Variants in RUNX3 observed in about 807,000 individuals in gnomAD.
RUNX3 encodes the protein runt-related transcription factor 3.
A neutral mutation model predicts 27.7 loss-of-function variants in RUNX3; 10 were observed. That is an observed-to-expected ratio of 0.36 (90% CI 0.22 to 0.61). The LOEUF (loss-of-function observed/expected upper bound fraction) is 0.61. Ranked by LOEUF, RUNX3 falls within the 20% of genes least tolerant of loss-of-function variation. The pLI, the probability that RUNX3 is intolerant of heterozygous loss-of-function variation, is 0.72. For missense variants in RUNX3, 469 were observed against 629.5 expected, an observed-to-expected ratio of 0.75 and a Z score of 2.73; for synonymous variants, 270 against 269.2, an observed-to-expected ratio of 1.00 and a Z score of -0.03.
At chr1:24,946,631 C>T (rs1213645512) in intron 2 of RUNX3, among the ~76,000 whole-genome samples, 2 of 152,110 alleles carry the variant, frequency 1.3e-5, no homozygotes, top group Admixed American at 1.3e-4. Context: ...AGGGGGTTTC[C>T]AGATTTCTGT....
chr1:24,936,996 C>T (rs536249940), intron 2 of RUNX3, among the ~76,000 whole-genome samples: 29 of 152,344 alleles, frequency 1.9e-4, no homozygotes, highest in Admixed American at 7.8e-4. Flanking sequence ...ATGTGCTGTA[C>T]GCATGGCATG....
rs753348193 is a variant in RUNX3, at chr1:24,943,830, G to A, written c.59-13978C>T. ...TACCAACCTTAACTGACAGTTTTCT[G>A]CTAGCACACAGGAAGTTCTTTTGAA... On this transcript the variant is annotated intron_variant, in intron 2 of 6. Coordinates refer to the RUNX3 transcript ENST00000338888. The surrounding 1 kb of genome is among the most constrained non-coding windows in gnomAD (Gnocchi z 4.6). Among the ~76,000 whole-genome samples, 2 of 152,192 alleles carry A rather than the reference G, an allele frequency of 1.3e-5. No homozygotes were observed. The highest frequency in any genetic ancestry group is 4.8e-5 in the African/African-American group (2 of 41,442).
In RUNX3 at chr1:24,964,693, G is replaced by A. The variant is rs559139016; in HGVS notation, c.-97-25C>T. 9 of 1,498,068 alleles carry A rather than the reference G, an allele frequency of 6.0e-6. No homozygotes were observed. The African/African-American group carries it at 1.0e-4, about 17-fold the overall frequency. The allele number at this position is 1,498,068 out of a possible 1,614,324, so 92.8% of individuals were successfully genotyped here. A position where few individuals can be genotyped will look rare whatever the true frequency, so the allele number is the denominator to read the frequency against. ...ACTTTTGAAAATAAAAGGGGGGGGT[G>A]TTGCTTTTTGTTGTTTTTTGTTTTG... is the stretch of plus-strand genomic sequence containing the variant. On this transcript the variant is annotated intron_variant, in intron 1 of 6. Transcript: ENST00000338888.
upstream of RUNX3, among the ~76,000 whole-genome samples, chr1:24,932,401 G>T (rs952229226): frequency 9.9e-5 from 15 of 151,832 alleles, 1 homozygote; most frequent in African/African-American, 3.6e-4. Flanking sequence ...GCACAGTGGC[G>T]GGAGCCGCCG....
chr1:24,908,804 A>G (rs1422995149), intron 3 of RUNX3, among the ~76,000 whole-genome samples: 1 of 152,228 alleles, frequency 6.6e-6, no homozygotes, highest in Non-Finnish European at 1.5e-5. Flanking sequence ...CATGTCTACA[A>G]GAACAATGGG....
intron 2 of RUNX3, among the ~76,000 whole-genome samples, chr1:24,953,917 G>A (rs1421210704): frequency 6.6e-6 from 1 of 152,036 alleles, no homozygotes; most frequent in Non-Finnish European, 1.5e-5. Context: ...GTTAATGTGT[G>A]GTTTTTTTTT....
rs2124237082 is a variant in RUNX3 at position 24,902,407 on chromosome 1, C to T, written c.963G>A (p.Gly321=). The change falls in exon 5 of 5, where the codon GGG becomes GGA. Residue 321 remains glycine (G), a synonymous_variant. Transcript: ENST00000308873. This position sits in a 1 kb window ranked among gnomAD's most constrained non-coding sequence, Gnocchi z 9.2. ...AGGGGGACGGGTTGGCCTGGAAGGG[C>T]CCGCTCTGGTTCTGCGGGGCCCCCG... ...PYPGAPQNQS[G]PFQANPSPYH... 1 of 1,612,586 alleles carries T rather than the reference C, an allele frequency of 6.2e-7. No individual in the cohort carries two copies. Among genetic ancestry groups the T allele is most frequent in the Non-Finnish European group, 8.5e-7 (1 of 1,179,606 alleles).
chr1:24,932,746 C>T (rs752017670), upstream of RUNX3, among the ~76,000 whole-genome samples: 16 of 152,172 alleles, frequency 1.1e-4, no homozygotes, highest in Non-Finnish European at 2.1e-4. Context: ...GGAGGGAGAA[C>T]TCCGACTCCC....
chr1:24,921,011 C>G (rs144039042), intron 2 of RUNX3, among the ~76,000 whole-genome samples: 1 of 152,164 alleles, frequency 6.6e-6, no homozygotes, highest in Non-Finnish European at 1.5e-5. Context: ...CTGGATCCCA[C>G]GTACAGGCCT....
In RUNX3 at chr1:24,929,697, C is replaced by G. The variant is rs761109803; in HGVS notation, c.172G>C (p.Val58Leu). Residue 58 changes from valine (V) to leucine (L), a missense_variant, in exon 1 of 5, where the codon GTG (valine) becomes CTG (leucine). Around this residue, in one of 3 missense-constraint regions of RUNX3, gnomAD observed 115 missense variants for 118.0 expected, o/e 0.97. Transcript: ENST00000308873. ...AGCTCGCCTGCGTGGTCCGCCAGCA[C>G]GTCCACCATCGAGCGCACCTCGGGC... Reference protein sequence around the residue: ...ARPEVRSMVDVLADHAGELVR... With the variant: ...ARPEVRSMVDLLADHAGELVR... 11 of 1,570,452 alleles carry G rather than the reference C, an allele frequency of 7.0e-6. No homozygotes were observed. Among genetic ancestry groups the G allele is most frequent in the Non-Finnish European group, 9.4e-6 (11 of 1,166,320 alleles).
chr1:24,924,529 A>G (rs1641063416), intron 2 of RUNX3, among the ~76,000 whole-genome samples: 1 of 151,772 alleles, frequency 6.6e-6, no homozygotes, highest in African/African-American at 2.4e-5. Flanking sequence ...GGTGTTGACA[A>G]CTTCAGAAAG....
chr1:24,922,824 C>T (rs1641025808), intron 2 of RUNX3, among the ~76,000 whole-genome samples: 1 of 145,958 alleles, frequency 6.9e-6, no homozygotes, highest in South Asian at 2.2e-4. Context: ...AGCAGCTCAA[C>T]CTGAAGTATC....
Position 24,962,784 on chromosome 1 carries a change from T to C in RUNX3, c.58+1730A>G, listed in dbSNP as rs66880507. ...AAGCCACCTCTCCCTTTGTGCCCTT[T>C]GTGCTACTGCCAGCCACCTCCCAGG... On this transcript the variant is annotated intron_variant, in intron 2 of 6. Transcript: ENST00000338888. This position sits in a 1 kb window ranked among gnomAD's most constrained non-coding sequence, Gnocchi z 4.5. 0.15 allele frequency among the ~76,000 whole-genome samples: 22,835 copies of C among 152,114 alleles called. 1,995 individuals carry two copies. The highest frequency in any genetic ancestry group is 0.25 in the African/African-American group (10,290 of 41,454).
intron 2 of RUNX3, among the ~76,000 whole-genome samples, chr1:24,941,069 CA>C (rs1315702639): frequency 6.6e-6 from 1 of 152,200 alleles, no homozygotes; most frequent in South Asian, 2.1e-4. Flanking sequence ...TACAATTATT[CA>C]TGATGCAGCA....
At chr1:24,957,939 T>C (rs1641988690) in intron 2 of RUNX3, among the ~76,000 whole-genome samples, 1 of 152,248 alleles carries the variant, frequency 6.6e-6, no homozygotes, top group African/African-American at 2.4e-5. Flanking sequence ...CCTTTATCCC[T>C]GGGAGCCATT....
intron 2 of RUNX3, among the ~76,000 whole-genome samples, chr1:24,947,053 C>T (rs1641626202): frequency 6.6e-6 from 1 of 152,062 alleles, no homozygotes; most frequent in Non-Finnish European, 1.5e-5. Context: ...AATAATTAAC[C>T]CACGGAGCTC....
At chr1:24,920,179 A>G (rs889230492) in intron 2 of RUNX3, among the ~76,000 whole-genome samples, 6 of 152,120 alleles carry the variant, frequency 3.9e-5, no homozygotes, top group Non-Finnish European at 7.4e-5. Flanking sequence ...CTCCATTCAA[A>G]ATTCCTGAGA....
chr1:24,907,511 C>A, intron 3 of RUNX3, 94 bp from the exon 4 acceptor site: 1 of 1,329,958 alleles, frequency 7.5e-7, no homozygotes, highest in Non-Finnish European at 1.0e-6. Context: ...TTCCTGAGGT[C>A]TGACCTTAGG....
intron 2 of RUNX3, among the ~76,000 whole-genome samples, chr1:24,926,945 T>G (rs1318121288): frequency 8.2e-6 from 1 of 122,228 alleles, no homozygotes; most frequent in Non-Finnish European, 1.7e-5. Flanking sequence ...CGTCCCGCCT[T>G]CCTTCTGCTG....
Sources: allele counts gnomAD v4.1 joint callset (sites outside exome capture counted in the v4.1 genomes callset), GRCh38; gene constraint gnomAD v4.1.1; regional missense constraint gnomAD v4.1.1; non-coding constraint Gnocchi (gnomAD v3.1); transcripts MANE v1.5; gene names NCBI Gene and HGNC (gene_info 2026-07-23, HGNC 2026-07-21).